The following SLC36A1 variants were observed in gnomAD, a reference collection of about 807,000 sequenced individuals.
The protein encoded by SLC36A1 is solute carrier family 36 member 1.
Under a neutral mutation model 47.5 loss-of-function variants are expected in SLC36A1, and 30 were observed. That is an observed-to-expected ratio of 0.63 (90% CI 0.47 to 0.86). The LOEUF is 0.86. Ranked by LOEUF, SLC36A1 falls within the 40% of genes least tolerant of loss-of-function variation. The pLI is 0.00. For missense variants in SLC36A1, 517 were observed against 606.0 expected (o/e 0.85, Z 1.54); for synonymous variants, 255 against 249.7 (o/e 1.02, Z -0.20).
intron 9 of SLC36A1, 114 bp downstream of exon 9, chr5:151,476,870 C>A: frequency 7.7e-7 from 1 of 1,296,182 alleles, no homozygotes; most frequent in Non-Finnish European, 1.1e-6. Flanking sequence ...TTCACTCTAG[C>A]CCACCATCCC....
At chr5:151,459,333 T>A (rs543142104) in intron 2 of SLC36A1, among the ~76,000 whole-genome samples, 1 of 152,298 alleles carries the variant, frequency 6.6e-6, no homozygotes, top group East Asian at 1.9e-4. Context: ...TTCATTTGAC[T>A]GAAGAAGTGG....
At chr5:151,350,793 C>G in the SLC36A1 span, among the ~76,000 whole-genome samples, 1 of 152,102 alleles carries the variant, frequency 6.6e-6, no homozygotes, top group Non-Finnish European at 1.5e-5. Flanking sequence ...CCTCCACCTC[C>G]CAAGCTCAAG....
chr5:151,389,022 A>G, the SLC36A1 span, among the ~76,000 whole-genome samples: 7 of 152,208 alleles, frequency 4.6e-5, no homozygotes, highest in Non-Finnish European at 8.8e-5. Flanking sequence ...CATTAGTGCC[A>G]TGTTACTCCA....
the SLC36A1 span, among the ~76,000 whole-genome samples, chr5:151,381,741 G>C: frequency 4.5e-3 from 680 of 152,156 alleles, 7 homozygotes; most frequent in African/African-American, 0.016. Context: ...AGACAGCTTT[G>C]ACTCCCTGTG....
At chr5:151,367,036 T>A in the SLC36A1 span, among the ~76,000 whole-genome samples, 1 of 152,122 alleles carries the variant, frequency 6.6e-6, no homozygotes, top group African/African-American at 2.4e-5. Context: ...GTTCACATGC[T>A]TCTGAGGGAA....
the SLC36A1 span, among the ~76,000 whole-genome samples, chr5:151,374,700 GTATTAGCAT>G: frequency 6.6e-6 from 1 of 152,132 alleles, no homozygotes; most frequent in Non-Finnish European, 1.5e-5. Flanking sequence ...ATACAACAAT[GTATTAGCAT>G]TCCTTTTATT....
upstream of SLC36A1, among the ~76,000 whole-genome samples, chr5:151,445,420 C>T (rs1276992219): frequency 3.3e-5 from 5 of 152,238 alleles, no homozygotes; most frequent in East Asian, 1.9e-4. Flanking sequence ...TGTGCATTAG[C>T]GAAATCAGCC....
At chr5:151,555,909 C>G in the SLC36A1 span, among the ~76,000 whole-genome samples, 5 of 152,120 alleles carry the variant, frequency 3.3e-5, no homozygotes, top group African/African-American at 4.8e-5. Flanking sequence ...AAACAGGCAC[C>G]AGGAATGCCT....
rs567528314 is a variant in SLC36A1, at chr5:151,447,718, C to G, written c.-101C>G. The G allele has an allele frequency of 1.6e-4, 22 of 137,378 alleles. No homozygotes were observed. The highest frequency in any genetic ancestry group is 6.6e-4 in the African/African-American group (22 of 33,328). The allele number at this position is 137,378 out of a possible 1,614,324, so 8.5% of individuals were successfully genotyped here. On this transcript the variant is annotated 5_prime_UTR_variant, in exon 1 of 11. Coordinates refer to ENST00000243389, the MANE Select transcript of SLC36A1 (RefSeq NM_078483.4). ...CGGAGCCGGAGCTGGGGCCAGAACC[C>G]GAGCAGTGAGTTCCTCCACTGGCTG...
At chr5:151,442,458 T>C (rs1311524960) in intron 1 of SLC36A1, among the ~76,000 whole-genome samples, 1 of 152,204 alleles carries the variant, frequency 6.6e-6, no homozygotes, top group East Asian at 1.9e-4. Context: ...ATCAGGGTAA[T>C]TAACATATCC....
chr5:151,373,499 G>A, the SLC36A1 span, among the ~76,000 whole-genome samples: 2 of 152,158 alleles, frequency 1.3e-5, no homozygotes, highest in Non-Finnish European at 2.9e-5. Context: ...GCTTGTCAGT[G>A]TTTACACAAA....
intron 1 of SLC36A1, among the ~76,000 whole-genome samples, chr5:151,442,099 T>C (rs1209853515): frequency 6.0e-5 from 9 of 150,558 alleles, no homozygotes; most frequent in Non-Finnish European, 1.2e-4. Flanking sequence ...GACATCCATT[T>C]TGTAGCTGTA....
intron 5 of SLC36A1, 37 bp downstream of exon 5, chr5:151,465,206 C>A: frequency 2.0e-6 from 3 of 1,494,480 alleles, no homozygotes; most frequent in Non-Finnish European, 2.8e-6. Flanking sequence ...CTGTGGCCTC[C>A]CAGTGTGAGG....
chr5:151,528,195 G>T, the SLC36A1 span: 1 of 1,590,978 alleles, frequency 6.3e-7, no homozygotes, highest in South Asian at 1.1e-5. Context: ...GGGAGTACAG[G>T]GGGAAACAGA....
chr5:151,521,697 C>T, the SLC36A1 span: 1 of 1,613,974 alleles, frequency 6.2e-7, no homozygotes, highest in Non-Finnish European at 8.5e-7. Context: ...AGAAGCCCAT[C>T]CACATGGCCT....
the SLC36A1 span, chr5:151,542,420 C>T: frequency 6.2e-7 from 1 of 1,614,168 alleles, no homozygotes; most frequent in Non-Finnish European, 8.5e-7. Flanking sequence ...AATCGGGGAG[C>T]ATTGTCATTC....
At chr5:151,405,991 A>G in the SLC36A1 span, among the ~76,000 whole-genome samples, 3,447 of 152,302 alleles carry the variant, frequency 0.023, 142 homozygotes, top group African/African-American at 0.079. Flanking sequence ...ACTCAACTGC[A>G]TGCCTCTTTT....
At chr5:151,392,966 T>G in the SLC36A1 span, among the ~76,000 whole-genome samples, 1 of 152,116 alleles carries the variant, frequency 6.6e-6, no homozygotes, top group Non-Finnish European at 1.5e-5. Flanking sequence ...TTGTTAACTT[T>G]CTGTCTCATT....
chr5:151,383,101 G>C, the SLC36A1 span, among the ~76,000 whole-genome samples: 1 of 152,246 alleles, frequency 6.6e-6, no homozygotes, highest in South Asian at 2.1e-4. Flanking sequence ...CAAGTTAAAT[G>C]AGCAAATCCT....
Sources: allele counts gnomAD v4.1 joint callset (sites outside exome capture counted in the v4.1 genomes callset), GRCh38; gene constraint gnomAD v4.1.1; transcripts MANE v1.5; gene names NCBI Gene and HGNC (gene_info 2026-07-23, HGNC 2026-07-21).